The following ZNF536 variants were observed in gnomAD, a reference collection of about 807,000 sequenced individuals.
ZNF536 encodes zinc finger protein 536.
ZNF536 carries 13 observed loss-of-function variants against 84.5 expected under a neutral mutation model. The observed-to-expected ratio is 0.15, with a 90% CI of 0.10 to 0.24. The LOEUF is 0.24. ZNF536 is among the 10% of genes least tolerant of loss of function. The pLI, the probability that ZNF536 is intolerant of heterozygous loss-of-function variation, is 1.00. For synonymous variants in ZNF536, 811 were observed against 742.5 expected, an observed-to-expected ratio of 1.09 and a Z score of -1.50; for missense variants, 1,536 against 1,747.5, an observed-to-expected ratio of 0.88 and a Z score of 2.16.
At chr19:30,309,145 C>A (rs2046424515) in intron 2 of ZNF536, among the ~76,000 whole-genome samples, 1 of 152,148 alleles carries the variant, frequency 6.6e-6, no homozygotes, top group South Asian at 2.1e-4. Flanking sequence ...TATGAAAATG[C>A]AGAGACTCAA....
At chr19:30,432,380 T>C (rs947055903) in intron 1 of ZNF536, among the ~76,000 whole-genome samples, 1 of 152,116 alleles carries the variant, frequency 6.6e-6, no homozygotes, top group African/African-American at 2.4e-5. Flanking sequence ...GTAACCCACC[T>C]ACTCTCACCA....
intron 1 of ZNF536, among the ~76,000 whole-genome samples, chr19:30,414,317 T>C (rs1368008952): frequency 6.6e-6 from 1 of 152,168 alleles, no homozygotes; most frequent in East Asian, 1.9e-4. Context: ...TAATCCAATA[T>C]TTGAAATTCT....
At chr19:30,502,584 G>C (rs186130554) in intron 2 of ZNF536, among the ~76,000 whole-genome samples, 131 of 152,226 alleles carry the variant, frequency 8.6e-4, no homozygotes, top group African/African-American at 2.9e-3. Flanking sequence ...ACTTATCATC[G>C]TCTCATCAAC....
intron 2 of ZNF536, among the ~76,000 whole-genome samples, chr19:30,527,531 A>G (rs980951687): frequency 1.3e-5 from 2 of 151,964 alleles, no homozygotes; most frequent in Non-Finnish European, 2.9e-5. Flanking sequence ...TCACCAATCC[A>G]TAAGAATACT....
intron 1 of ZNF536, among the ~76,000 whole-genome samples, chr19:30,383,006 C>T (rs1435293145): frequency 2.0e-5 from 3 of 152,086 alleles, no homozygotes; most frequent in East Asian, 1.9e-4. Context: ...AAACAACAAA[C>T]GTGGCAGGTG....
intron 2 of ZNF536, among the ~76,000 whole-genome samples, chr19:30,500,303 G>T (rs1195519408): frequency 1.3e-5 from 2 of 152,128 alleles, no homozygotes; most frequent in African/African-American, 2.4e-5. Flanking sequence ...ATGAATGTGG[G>T]TCTCACAACC....
intron 1 of ZNF536, among the ~76,000 whole-genome samples, chr19:30,614,465 G>GGAGAGAGAGAGA (rs141253341): frequency 2.0e-5 from 3 of 147,880 alleles, no homozygotes; most frequent in African/African-American, 7.5e-5. Context: ...CGGGGGCGGG[G>GGAGAGAGAGAGA]GAGAGAGAGA....
At chr19:30,275,017 G>A (rs566402896) in intron 1 of ZNF536, among the ~76,000 whole-genome samples, 21 of 152,238 alleles carry the variant, frequency 1.4e-4, no homozygotes, top group East Asian at 3.9e-4. Context: ...CATCTCTGGC[G>A]GCCAGAATTG....
chr19:30,626,649 C>G (rs951821212), intron 1 of ZNF536, among the ~76,000 whole-genome samples: 26 of 152,104 alleles, frequency 1.7e-4, no homozygotes, highest in African/African-American at 5.8e-4. Context: ...GTCCGCTGCC[C>G]CAATGGGCTC....
chr19:30,265,606 G>A (rs756483617), intron 1 of ZNF536, among the ~76,000 whole-genome samples: 2 of 152,208 alleles, frequency 1.3e-5, no homozygotes, highest in Non-Finnish European at 2.9e-5. Flanking sequence ...TGAATTGCCT[G>A]TGGTCCCTGC....
At chr19:30,232,405 C>T (rs2023134599) in intron 1 of ZNF536, among the ~76,000 whole-genome samples, 1 of 148,384 alleles carries the variant, frequency 6.7e-6, no homozygotes, top group Non-Finnish European at 1.5e-5. Flanking sequence ...GCATGGCACC[C>T]AGTAGTTTCT....
chr19:30,276,421 A>G (rs968457392), intron 1 of ZNF536, among the ~76,000 whole-genome samples: 10 of 152,224 alleles, frequency 6.6e-5, no homozygotes. Flanking sequence ...TCAGTGAAGC[A>G]GTACTAATTA....
intron 1 of ZNF536, among the ~76,000 whole-genome samples, chr19:30,694,541 A>C (rs898357589): frequency 6.6e-6 from 1 of 152,194 alleles, no homozygotes; most frequent in African/African-American, 2.4e-5. Flanking sequence ...AGGCAGCGGG[A>C]ATAAGTGGGA....
chr19:30,550,339 G>GT (rs1401277780), intron 4 of ZNF536, among the ~76,000 whole-genome samples: 6 of 152,162 alleles, frequency 3.9e-5, no homozygotes, highest in Non-Finnish European at 7.4e-5. Context: ...ACTAGGTTTG[G>GT]ATCAAATGAA....
At chr19:30,673,017 C>A (rs569196340) in intron 1 of ZNF536, among the ~76,000 whole-genome samples, 8 of 152,170 alleles carry the variant, frequency 5.3e-5, no homozygotes, top group South Asian at 4.1e-4. Context: ...GACTGGAGAA[C>A]CCCCTTGGCC....
intron 2 of ZNF536, among the ~76,000 whole-genome samples, chr19:30,454,808 G>A (rs956077673): frequency 1.3e-5 from 2 of 152,158 alleles, no homozygotes; most frequent in African/African-American, 4.8e-5. Flanking sequence ...CGAGGCAGGT[G>A]GATCACATGA....
chr19:30,570,653 T>A (rs1372510517), intron 1 of ZNF536, among the ~76,000 whole-genome samples: 2 of 152,158 alleles, frequency 1.3e-5, no homozygotes, highest in African/African-American at 4.8e-5. Context: ...TTGGACAGGC[T>A]GGCGGAAAAC....
upstream of ZNF536, among the ~76,000 whole-genome samples, chr19:30,368,995 A>G (rs2146992402): frequency 6.6e-6 from 1 of 152,262 alleles, no homozygotes; most frequent in Middle Eastern, 3.4e-3. Flanking sequence ...TTCTAAATGA[A>G]CTGACTGATC....
At chr19:30,230,970 ACT>A (rs1491264405) in intron 1 of ZNF536, among the ~76,000 whole-genome samples, 4 of 130,222 alleles carry the variant, frequency 3.1e-5, no homozygotes, top group African/African-American at 1.5e-4. Flanking sequence ...ATATAGATGA[ACT>A]TTTTTTTTTT....
Sources: allele counts gnomAD v4.1 joint callset (sites outside exome capture counted in the v4.1 genomes callset), GRCh38; gene constraint gnomAD v4.1.1; transcripts MANE v1.5; gene names NCBI Gene and HGNC (gene_info 2026-07-23, HGNC 2026-07-21).